RYR3: variants seen among roughly 807,000 people sequenced by gnomAD.
The protein encoded by RYR3 is brain ryanodine receptor-calcium release channel.
A neutral mutation model predicts 584.3 loss-of-function variants in RYR3; 207 were observed. The ratio of observed to expected loss-of-function variants is 0.35; its 90% CI spans 0.32 to 0.40. The LOEUF (loss-of-function observed/expected upper bound fraction) is 0.40, where lower values mean the gene tolerates loss of function less well. RYR3 is among the 10% of genes least tolerant of loss of function. The probability of loss-of-function intolerance (pLI) is 1.00; values close to 1 mark genes in which losing one functional copy is unlikely to be tolerated. For missense variants in RYR3, 5,616 were observed against 6,089.2 expected (o/e 0.92, Z 2.59); for synonymous variants, 2,416 against 2,248.5 (o/e 1.07, Z -2.11).
At chr15:33,475,655 G>T (rs1057508023) in intron 2 of RYR3, among the ~76,000 whole-genome samples, 5 of 152,202 alleles carry the variant, frequency 3.3e-5, no homozygotes, top group African/African-American at 1.2e-4. Flanking sequence ...CTGTGAGCCA[G>T]ACTGTCAAAG....
At chr15:33,410,083 T>C (rs1436240089) in intron 1 of RYR3, among the ~76,000 whole-genome samples, 2 of 152,194 alleles carry the variant, frequency 1.3e-5, no homozygotes, top group East Asian at 3.8e-4. Context: ...AAAAACCATA[T>C]ATCCCACTGT....
rs1192423592 is a variant in RYR3, at chr15:33,848,321, G to A, written c.13528G>A (p.Glu4510Lys). Reference sequence around the variant, plus strand: ...TTTGGTGGTTTTCAAAAGGGAAAAAGAAATCGCCAGGAAGCTGGAGTTTGA... The same window carrying A: ...TTTGGTGGTTTTCAAAAGGGAAAAAAAAATCGCCAGGAAGCTGGAGTTTGA... Reference protein sequence around the residue: ...VPLVVFKREKEIARKLEFDGL... With the variant: ...VPLVVFKREKKIARKLEFDGL... The change falls in exon 94 of 104, where the codon GAA (glutamate) becomes AAA (lysine). Residue 4510 changes from glutamate to lysine, a missense_variant. Glu to Lys is a moderately conservative substitution (Grantham distance 56). Transcript: ENST00000634891. The A allele has an allele frequency of 6.2e-7, 1 of 1,613,768 alleles. No homozygotes were observed. Among genetic ancestry groups the A allele is most frequent in the Non-Finnish European group, 8.5e-7 (1 of 1,179,868 alleles).
intron 18 of RYR3, among the ~76,000 whole-genome samples, chr15:33,607,744 A>C (rs2059977040): frequency 6.6e-6 from 1 of 152,240 alleles, no homozygotes; most frequent in African/African-American, 2.4e-5. Flanking sequence ...TAAAAGGTAT[A>C]ATATTCCTAC....
chr15:33,461,298 C>T (rs944730212), intron 1 of RYR3, among the ~76,000 whole-genome samples: 1 of 152,098 alleles, frequency 6.6e-6, no homozygotes, highest in African/African-American at 2.4e-5. Flanking sequence ...AACACTGAGT[C>T]CCACCACAGG....
chr15:33,342,825 T>C (rs533554872), intron 1 of RYR3, among the ~76,000 whole-genome samples: 1 of 152,296 alleles, frequency 6.6e-6, no homozygotes, highest in African/African-American at 2.4e-5. Flanking sequence ...ACATTTCTTA[T>C]TAACTCACAG....
At chr15:33,864,562 T>C (rs553719106) in intron 103 of RYR3, among the ~76,000 whole-genome samples, 1 of 151,128 alleles carries the variant, frequency 6.6e-6, no homozygotes, top group Non-Finnish European at 1.5e-5. Context: ...AACGACCTCA[T>C]GTGTGGGTGA....
chr15:33,336,432 AAGAAAGAAAGAGAGAGAGAGAGAG>A (rs1171875943), intron 1 of RYR3, among the ~76,000 whole-genome samples: 19 of 21,542 alleles, frequency 8.8e-4, no homozygotes, highest in Non-Finnish European at 1.1e-3. Flanking sequence ...GAAAGAAAGA[AAGAAAGAAAGAGAGAGAGAGAGAG>A]AGAGAGAGAG....
chr15:33,683,255 A>T (rs1166253152), intron 38 of RYR3, among the ~76,000 whole-genome samples: 3 of 151,998 alleles, frequency 2.0e-5, no homozygotes, highest in Non-Finnish European at 4.4e-5. Flanking sequence ...TGGCCTCCCA[A>T]AGTGCTGGGA....
At chr15:33,409,874 T>C (rs148155846) in intron 1 of RYR3, among the ~76,000 whole-genome samples, 25 of 152,282 alleles carry the variant, frequency 1.6e-4, no homozygotes, top group Non-Finnish European at 3.4e-4. Flanking sequence ...CTAGTTCCTG[T>C]TCTCTTTCTC....
chr15:33,418,803 T>C (rs17817170), intron 1 of RYR3, among the ~76,000 whole-genome samples: 8,340 of 152,166 alleles, frequency 0.055, 324 homozygotes, highest in Non-Finnish European at 0.081. Flanking sequence ...TTAGGTGGTA[T>C]AGAAGACAGG....
chr15:33,343,980 A>G (rs142920023), intron 1 of RYR3, among the ~76,000 whole-genome samples: 129 of 152,360 alleles, frequency 8.5e-4, no homozygotes, highest in Non-Finnish European at 1.6e-4. Flanking sequence ...GCTTCTAGCA[A>G]TCTTATTTTA....
chr15:33,407,040 A>G (rs2043072632), intron 1 of RYR3, among the ~76,000 whole-genome samples: 1 of 152,232 alleles, frequency 6.6e-6, no homozygotes, highest in South Asian at 2.1e-4. Context: ...TGCTTCCAAG[A>G]TGACAGCTTG....
chr15:33,622,478 A>G (rs2060776416), intron 19 of RYR3, among the ~76,000 whole-genome samples: 2 of 152,190 alleles, frequency 1.3e-5, no homozygotes, highest in Admixed American at 1.3e-4. Flanking sequence ...GTGATTTCAC[A>G]TCTCCCTTTT....
intron 36 of RYR3, among the ~76,000 whole-genome samples, chr15:33,666,156 C>T (rs576049424): frequency 3.3e-5 from 5 of 152,260 alleles, no homozygotes; most frequent in African/African-American, 9.6e-5. Flanking sequence ...AGGCATGCAC[C>T]ACCATGACCA....
At chr15:33,322,376 G>A (rs1287875363) in intron 1 of RYR3, among the ~76,000 whole-genome samples, 1 of 152,022 alleles carries the variant, frequency 6.6e-6, no homozygotes. Flanking sequence ...GGCAGGGGGA[G>A]GTGCCACACA....
chr15:33,855,129 T>A (rs2079513001), intron 98 of RYR3, among the ~76,000 whole-genome samples: 1 of 152,194 alleles, frequency 6.6e-6, no homozygotes, highest in Non-Finnish European at 1.5e-5. Context: ...AAGACCTTGA[T>A]TCAGTGACCC....
chr15:33,601,969 A>G (rs2059684502), intron 17 of RYR3, among the ~76,000 whole-genome samples: 1 of 152,234 alleles, frequency 6.6e-6, no homozygotes, highest in South Asian at 2.1e-4. Flanking sequence ...CCTCTGGCTC[A>G]TGGCCATGTA....
At chr15:33,818,507 T>G in intron 75 of RYR3, 71 bp from the exon 76 acceptor site, 1 of 1,136,960 alleles carries the variant, frequency 8.8e-7, no homozygotes, top group Non-Finnish European at 1.3e-6. Context: ...TACCTTCTCT[T>G]TGTTCGCATG....
rs1247209374 is a variant in RYR3 at position 33,530,583 on chromosome 15, T to C, written c.280-9T>C. ...CATGTGCTGACCTTATTCTTCCTCA[T>C]TCCCACAGGCAGCACAAGGAGGTGG... On this transcript the variant is annotated splice_polypyrimidine_tract_variant and intron_variant, in intron 3 of 103. Transcript: ENST00000634891. The C allele has an allele frequency of 6.2e-7, 1 of 1,606,996 alleles. No homozygotes were observed. Among genetic ancestry groups the C allele is most frequent in the Non-Finnish European group, 8.5e-7 (1 of 1,173,722 alleles).
Sources: allele counts gnomAD v4.1 joint callset (sites outside exome capture counted in the v4.1 genomes callset), GRCh38; gene constraint gnomAD v4.1.1; transcripts MANE v1.5; gene names NCBI Gene and HGNC (gene_info 2026-07-23, HGNC 2026-07-21).